Variants in FILIP1 observed in about 807,000 individuals in gnomAD.
The protein encoded by FILIP1 is filamin A interacting protein 1.
Under a neutral mutation model 102.1 loss-of-function variants are expected in FILIP1, and 61 were observed. That is an observed-to-expected ratio of 0.60 (90% CI 0.49 to 0.74). FILIP1 has a LOEUF of 0.74. Ranked by LOEUF, FILIP1 falls within the 30% of genes least tolerant of loss-of-function variation. FILIP1 has a pLI of 0.00. For synonymous variants in FILIP1, 491 were observed against 526.9 expected, an observed-to-expected ratio of 0.93 and a Z score of 0.93; for missense variants, 1,314 against 1,441.2, an observed-to-expected ratio of 0.91 and a Z score of 1.43.
chr6:75,409,146 T>G (rs1358783141), intron 2 of FILIP1, among the ~76,000 whole-genome samples: 5 of 152,138 alleles, frequency 3.3e-5, no homozygotes, highest in African/African-American at 7.2e-5. Flanking sequence ...AAATGAAAGG[T>G]CCTGGAGCCC....
At chr6:75,336,015 G>A (rs187031823) in intron 4 of FILIP1, among the ~76,000 whole-genome samples, 17 of 152,252 alleles carry the variant, frequency 1.1e-4, no homozygotes, top group Non-Finnish European at 2.4e-4. Context: ...TTCTGTAAAA[G>A]TTACATAAAG....
At chr6:75,377,730 T>A (rs1280987882) in intron 2 of FILIP1, among the ~76,000 whole-genome samples, 1 of 152,206 alleles carries the variant, frequency 6.6e-6, no homozygotes, top group Admixed American at 6.5e-5. Flanking sequence ...TACTTATCCA[T>A]CAACAATTTA....
intron 4 of FILIP1, among the ~76,000 whole-genome samples, chr6:75,351,921 A>T (rs1774822529): frequency 6.6e-6 from 1 of 152,218 alleles, no homozygotes; most frequent in South Asian, 2.1e-4. Flanking sequence ...CAGGATGTCG[A>T]ATCAGTTAGT....
At chr6:75,473,049 G>C (rs1453245350) in intron 1 of FILIP1, among the ~76,000 whole-genome samples, 1 of 152,124 alleles carries the variant, frequency 6.6e-6, no homozygotes, top group Non-Finnish European at 1.5e-5. Flanking sequence ...AAGACTGTGG[G>C]TATGGTAGAG....
chr6:75,321,281 G>A (rs1773644657), intron 4 of FILIP1, among the ~76,000 whole-genome samples: 1 of 152,000 alleles, frequency 6.6e-6, no homozygotes, highest in Non-Finnish European at 1.5e-5. Flanking sequence ...CCCACAGTTG[G>A]ATCAAAATCT....
chr6:75,346,569 T>C (rs538154789), intron 4 of FILIP1, among the ~76,000 whole-genome samples: 42 of 152,328 alleles, frequency 2.8e-4, no homozygotes, highest in African/African-American at 9.6e-4. Flanking sequence ...ACAGCACTGA[T>C]AGTAGGTATG....
intron 2 of FILIP1, among the ~76,000 whole-genome samples, chr6:75,371,352 A>C (rs1299744483): frequency 2.0e-5 from 3 of 152,210 alleles, no homozygotes; most frequent in African/African-American, 7.2e-5. Flanking sequence ...TCTGTTACTA[A>C]AATATCAGAA....
At chr6:75,295,793 TA>T in exon 7 of FILIP1, 1 of 600,014 alleles carries the variant, frequency 1.7e-6, no homozygotes, top group Non-Finnish European at 2.4e-6. Flanking sequence ...CTGGAAGTAG[TA>T]AAATATTTCC....
intron 4 of FILIP1, among the ~76,000 whole-genome samples, chr6:75,339,668 C>A (rs1330028417): frequency 1.3e-5 from 2 of 152,102 alleles, no homozygotes; most frequent in African/African-American, 2.4e-5. Context: ...TGTGGGGAGG[C>A]CAGGCGCAGT....
chr6:75,442,770 G>C (rs2149724184), intron 1 of FILIP1, among the ~76,000 whole-genome samples: 1 of 152,192 alleles, frequency 6.6e-6, no homozygotes, highest in South Asian at 2.1e-4. Flanking sequence ...GAGGGGGAGG[G>C]GGAGGGAAAC....
exon 7 of FILIP1, chr6:75,292,372 A>AC (rs1471780084): frequency 6.6e-6 from 1 of 152,214 alleles, no homozygotes; most frequent in Admixed American, 6.5e-5. Flanking sequence ...AATAATATAA[A>AC]CAAAAAACAA....
intron 1 of FILIP1, among the ~76,000 whole-genome samples, chr6:75,445,736 T>G (rs969070149): frequency 3.3e-5 from 5 of 151,360 alleles, no homozygotes; most frequent in African/African-American, 1.2e-4. Context: ...TATTTGTAGA[T>G]TCCATTCTGC....
chr6:75,414,359 C>T (rs1420039412), intron 2 of FILIP1, among the ~76,000 whole-genome samples: 1 of 152,034 alleles, frequency 6.6e-6, no homozygotes, highest in Non-Finnish European at 1.5e-5. Flanking sequence ...TGCATTTCTA[C>T]ATTTTTCAGT....
At chr6:75,464,610 A>C (rs61219337) in intron 1 of FILIP1, among the ~76,000 whole-genome samples, 395 of 152,318 alleles carry the variant, frequency 2.6e-3, no homozygotes, top group African/African-American at 9.1e-3. Context: ...ATGTACAAAG[A>C]CTTTGGTTCA....
At chr6:75,365,432 G>A (rs867420251) in intron 2 of FILIP1, among the ~76,000 whole-genome samples, 27 of 152,134 alleles carry the variant, frequency 1.8e-4, no homozygotes, top group African/African-American at 4.3e-4. Context: ...GTGCAGTGCC[G>A]TGATCTTGGC....
chr6:75,417,833 C>A (rs763221510), intron 1 of FILIP1, among the ~76,000 whole-genome samples: 1 of 152,192 alleles, frequency 6.6e-6, no homozygotes, highest in African/African-American at 2.4e-5. Flanking sequence ...GCTTTCCTTA[C>A]GGCTTTCCTC....
Position 75,315,004 on chromosome 6 carries a change from C to T in FILIP1, c.828G>A (p.Arg276=), listed in dbSNP as rs777050779. The change falls in exon 5 of 6, where the codon AGG becomes AGA. Residue 276 remains arginine, a synonymous_variant. Coordinates refer to ENST00000237172, the MANE Select transcript of FILIP1 (RefSeq NM_015687.5). The part of the protein sequence containing the change: ...QKVQDLTQKL[R]EEEEKLKAIT... ...TGGCTTTGAGCTTCTCTTCTTCTTC[C>T]CTCAGCTTCTGAGTAAGATCCTGTA... 8.1e-6 allele frequency: 13 copies of T among 1,613,906 alleles called. No individual in the cohort carries two copies. Among genetic ancestry groups the T allele is most frequent in the Non-Finnish European group, 1.1e-5 (13 of 1,179,972 alleles).
intron 4 of FILIP1, among the ~76,000 whole-genome samples, chr6:75,342,908 C>A (rs1489967246): frequency 7.9e-5 from 12 of 152,182 alleles, no homozygotes; most frequent in Non-Finnish European, 7.4e-5. Flanking sequence ...CATTTTTACT[C>A]TTTTTCTCCT....
chr6:75,423,281 T>C (rs1158415538), intron 1 of FILIP1, among the ~76,000 whole-genome samples: 1 of 152,186 alleles, frequency 6.6e-6, no homozygotes, highest in Admixed American at 6.6e-5. Context: ...TTTGTCATTT[T>C]GAAGTGCTGT....
Sources: allele counts gnomAD v4.1 joint callset (sites outside exome capture counted in the v4.1 genomes callset), GRCh38; gene constraint gnomAD v4.1.1; transcripts MANE v1.5; gene names NCBI Gene and HGNC (gene_info 2026-07-23, HGNC 2026-07-21).